HNF4G: variants seen among roughly 807,000 people sequenced by gnomAD.
HNF4G encodes hepatocyte nuclear factor 4 gamma, also known as hepatocyte nuclear factor 4-gamma.
HNF4G carries 21 observed loss-of-function variants against 50.9 expected under a neutral mutation model. The observed-to-expected ratio is 0.41, with a 90% CI of 0.29 to 0.59. HNF4G has a LOEUF of 0.59. Ranked by LOEUF, HNF4G falls within the 20% of genes least tolerant of loss-of-function variation. The pLI, the probability that HNF4G is intolerant of heterozygous loss-of-function variation, is 0.26. For synonymous variants in HNF4G, 198 were observed against 185.6 expected (o/e 1.07, Z -0.54); for missense variants, 527 against 559.4 (o/e 0.94, Z 0.58).
chr8:75,447,159 C>T (rs1480158785), intron 1 of HNF4G, among the ~76,000 whole-genome samples: 10 of 71,548 alleles, frequency 1.4e-4, no homozygotes, highest in African/African-American at 6.6e-4. Context: ...TTTGACAAAC[C>T]TGAGAAAAAC....
intron 1 of HNF4G, among the ~76,000 whole-genome samples, chr8:75,421,122 A>G (rs1252407637): frequency 1.3e-5 from 2 of 152,246 alleles, no homozygotes; most frequent in East Asian, 3.8e-4. Context: ...TGTATAGCCA[A>G]TATAAATGTA....
At chr8:75,551,145 C>G (rs1806940654) in intron 3 of HNF4G, among the ~76,000 whole-genome samples, 1 of 152,038 alleles carries the variant, frequency 6.6e-6, no homozygotes, top group Non-Finnish European at 1.5e-5. Context: ...AACTGGCTGA[C>G]CCAACACTTT....
chr8:75,449,848 T>C (rs1811545480), intron 1 of HNF4G, among the ~76,000 whole-genome samples: 1 of 152,138 alleles, frequency 6.6e-6, no homozygotes, highest in Non-Finnish European at 1.5e-5. Flanking sequence ...ATGATACTGG[T>C]TTGAGAAATG....
chr8:75,509,110 G>A (rs1267564896), intron 2 of HNF4G, among the ~76,000 whole-genome samples: 1 of 152,144 alleles, frequency 6.6e-6, no homozygotes, highest in Non-Finnish European at 1.5e-5. Flanking sequence ...TTACAAGTCA[G>A]CTGAGGTCTG....
At chr8:75,430,553 G>T (rs1471952459) in intron 1 of HNF4G, among the ~76,000 whole-genome samples, 1 of 151,462 alleles carries the variant, frequency 6.6e-6, no homozygotes, top group African/African-American at 2.4e-5. Context: ...GGAGATATTT[G>T]GTTCTGGGTG....
intron 1 of HNF4G, among the ~76,000 whole-genome samples, chr8:75,473,124 A>G (rs1281922976): frequency 1.3e-5 from 2 of 152,074 alleles, no homozygotes; most frequent in South Asian, 2.1e-4. Context: ...CCTGGCTAAC[A>G]TGGTGAAACT....
intron 1 of HNF4G, among the ~76,000 whole-genome samples, chr8:75,473,298 A>G (rs1585874388): frequency 6.7e-6 from 1 of 149,086 alleles, no homozygotes; most frequent in African/African-American, 2.4e-5. Flanking sequence ...CTCCGTCTCA[A>G]AAAAAAAAAA....
chr8:75,462,699 G>T (rs1331943706), intron 1 of HNF4G, among the ~76,000 whole-genome samples: 3 of 152,068 alleles, frequency 2.0e-5, no homozygotes. Context: ...AATGATTACG[G>T]TAGTGTAATA....
chr8:75,526,797 C>A (rs1806194143), intron 2 of HNF4G, among the ~76,000 whole-genome samples: 1 of 149,808 alleles, frequency 6.7e-6, no homozygotes, highest in Non-Finnish European at 1.5e-5. Flanking sequence ...GATGGAGTCT[C>A]GTTCTGTCGC....
chr8:75,448,906 C>A (rs1811501235), intron 1 of HNF4G, among the ~76,000 whole-genome samples: 1 of 152,082 alleles, frequency 6.6e-6, no homozygotes, highest in Non-Finnish European at 1.5e-5. Context: ...AGATTTAGCT[C>A]CCTAAAATGC....
chr8:75,432,162 G>A (rs981116233), intron 1 of HNF4G, among the ~76,000 whole-genome samples: 7 of 151,712 alleles, frequency 4.6e-5, no homozygotes, highest in African/African-American at 1.5e-4. Flanking sequence ...TAAGGAGAGG[G>A]GATAGCTTGA....
rs569281380 is a variant in HNF4G, at chr8:75,472,695, G to A, written c.-143-17394G>A. Among the ~76,000 whole-genome samples, 6 of 152,234 alleles carry A rather than the reference G, an allele frequency of 3.9e-5. No homozygotes were observed. The East Asian group carries it at 9.7e-4, about 25-fold the overall frequency. ...GTAGTATGATATAACAATGAAATGG[G>A]TGAAATAGGTAAATCCATTAAGAAG... is the stretch of plus-strand genomic sequence containing the variant. On this transcript the variant is annotated intron_variant, in intron 1 of 10. Transcript: ENST00000354370.
rs879230257 is a variant in HNF4G, at chr8:75,553,258, G to A, written c.645+61G>A. Reference sequence around the variant, plus strand: ...GCTTCTTGAACTTTGCTAAGTTTATGTTCTTTCCATATTATTTGTAATGCA... The same window carrying A: ...GCTTCTTGAACTTTGCTAAGTTTATATTCTTTCCATATTATTTGTAATGCA... On this transcript the variant is annotated intron_variant, in intron 5 of 9. Coordinates refer to ENST00000396423, the MANE Select transcript of HNF4G (RefSeq NM_004133.5). 6 of 1,368,940 alleles carry A rather than the reference G, an allele frequency of 4.4e-6. No individual in the cohort carries two copies. The African/African-American group carries it at 7.3e-5, about 17-fold the overall frequency. 84.8% of individuals were successfully genotyped at this position (1,368,940 alleles called of 1,614,324 possible). A position where few individuals can be genotyped will look rare whatever the true frequency, so the allele number is the denominator to read the frequency against.
chr8:75,542,987 G>A (rs189835481), intron 1 of HNF4G, among the ~76,000 whole-genome samples: 28 of 152,178 alleles, frequency 1.8e-4, no homozygotes, highest in African/African-American at 6.0e-4. Context: ...TGGGCAGACC[G>A]CCTGAGGTCA....
At chr8:75,469,249 C>T (rs1034790669) in intron 1 of HNF4G, among the ~76,000 whole-genome samples, 12 of 152,198 alleles carry the variant, frequency 7.9e-5, no homozygotes, top group East Asian at 1.9e-4. Flanking sequence ...TTAGTCAAAG[C>T]GGTTTCAGGG....
chr8:75,500,970 G>A (rs1472262158), intron 2 of HNF4G, among the ~76,000 whole-genome samples: 1 of 151,804 alleles, frequency 6.6e-6, no homozygotes, highest in Non-Finnish European at 1.5e-5. Context: ...TACACTTAAA[G>A]CTACTAAATT....
intron 6 of HNF4G, among the ~76,000 whole-genome samples, chr8:75,556,650 C>T (rs1165821831): frequency 6.6e-6 from 1 of 152,102 alleles, no homozygotes; most frequent in East Asian, 1.9e-4. Context: ...ATTAATTGCT[C>T]CAATCCCGCT....
upstream of HNF4G, among the ~76,000 whole-genome samples, chr8:75,538,462 C>T (rs1002113515): frequency 1.3e-5 from 2 of 152,136 alleles, no homozygotes; most frequent in Non-Finnish European, 2.9e-5. Context: ...ACACTCCCGT[C>T]AGTGACATCC....
chr8:75,471,895 T>C (rs1021532453), intron 1 of HNF4G, among the ~76,000 whole-genome samples: 2 of 152,290 alleles, frequency 1.3e-5, no homozygotes, highest in South Asian at 2.1e-4. Context: ...CAGCTTGGGA[T>C]GATGGAAAGA....
Sources: gnomAD v4.1 joint callset for allele counts (sites outside exome capture counted in the v4.1 genomes callset) on GRCh38, gnomAD v4.1.1 for gene constraint, MANE v1.5 for transcripts, NCBI Gene and HGNC (gene_info 2026-07-23, HGNC 2026-07-21) for gene names.